Variants in SLC20A2 observed in about 807,000 individuals in gnomAD.
SLC20A2 encodes the protein solute carrier family 20 member 2.
In SLC20A2, 30 loss-of-function variants were observed where a neutral mutation model predicts 61.0. The ratio of observed to expected loss-of-function variants is 0.49; its 90% CI spans 0.37 to 0.67. The LOEUF (loss-of-function observed/expected upper bound fraction) is 0.67, where lower values mean the gene tolerates loss of function less well. Among genes scored for constraint, SLC20A2 ranks in the 30% least tolerant of loss-of-function variants. The pLI, the probability that SLC20A2 is intolerant of heterozygous loss-of-function variation, is 0.00. For missense variants in SLC20A2, 626 were observed against 866.4 expected (o/e 0.72, Z 3.48); for synonymous variants, 351 against 353.3 (o/e 0.99, Z 0.07).
intron 6 of SLC20A2, among the ~76,000 whole-genome samples, chr8:42,441,496 G>A (rs979388146): frequency 1.3e-5 from 2 of 151,162 alleles, no homozygotes; most frequent in African/African-American, 4.9e-5. Context: ...TTGAGACAGA[G>A]TCTTACTCTG....
chr8:42,482,730 A>G (rs900055271), intron 1 of SLC20A2, among the ~76,000 whole-genome samples: 3 of 136,048 alleles, frequency 2.2e-5, no homozygotes, highest in African/African-American at 7.4e-5. Context: ...TTTAAAAAAA[A>G]CAAAACTGTA....
chr8:42,493,489 T>C (rs972055412), intron 1 of SLC20A2, among the ~76,000 whole-genome samples: 2 of 152,244 alleles, frequency 1.3e-5, no homozygotes, highest in Non-Finnish European at 2.9e-5. Context: ...ATGGTTCCAC[T>C]GTTCACTGCT....
intron 1 of SLC20A2, among the ~76,000 whole-genome samples, chr8:42,500,798 C>A (rs1563528522): frequency 6.6e-6 from 1 of 152,070 alleles, no homozygotes; most frequent in Non-Finnish European, 1.5e-5. Flanking sequence ...ATTGCTTTTG[C>A]AAAAATAAGT....
At chr8:42,447,975 C>T (rs959545665) in intron 5 of SLC20A2, among the ~76,000 whole-genome samples, 10 of 152,236 alleles carry the variant, frequency 6.6e-5, no homozygotes, top group Non-Finnish European at 1.3e-4. Flanking sequence ...GCTTGTGCGA[C>T]CCCTTGGTTG....
chr8:42,525,523 G>A (rs572984173), intron 1 of SLC20A2, among the ~76,000 whole-genome samples: 6 of 142,596 alleles, frequency 4.2e-5, no homozygotes, highest in African/African-American at 8.0e-5. Context: ...TGGAGGTTGC[G>A]ATGAGCTGAG....
chr8:42,448,362 C>T (rs754053213), intron 5 of SLC20A2, among the ~76,000 whole-genome samples: 2 of 152,088 alleles, frequency 1.3e-5, no homozygotes, highest in Non-Finnish European at 2.9e-5. Flanking sequence ...GCTATCAGGC[C>T]CTATTTTTAC....
chr8:42,485,090 C>G lies in SLC20A2; in HGVS notation c.-264-12436G>C, dbSNP rs1808867033. The stretch of plus-strand genomic sequence containing the variant: ...CCCACCTTTCCTCCTTCGCAGAGGT[C>G]AGGACAATCACAGCCCTTCCCTTCT... On this transcript the variant is annotated intron_variant, in intron 1 of 10. Coordinates refer to ENST00000520262, the MANE Select transcript of SLC20A2 (RefSeq NM_001257180.2). 5 of 190,704 alleles carry G rather than the reference C, an allele frequency of 2.6e-5. No homozygotes were observed. In the South Asian group the frequency reaches 4.5e-4, roughly 17 times the overall value. The allele number at this position is 190,704 out of a possible 1,614,324, so 11.8% of individuals were successfully genotyped here. A position where few individuals can be genotyped will look rare whatever the true frequency, so the allele number is the denominator to read the frequency against.
In SLC20A2 at chr8:42,437,611, TC is replaced by T; in HGVS notation, c.935-35del. ...GGTTAGAGAAGGTCTCATTTTCCAG[TC>T]TTTTTTTTTTTTTTCTTTTCTTTTT... On this transcript the variant is annotated intron_variant, in intron 7 of 10. Coordinates refer to ENST00000520262, the MANE Select transcript of SLC20A2 (RefSeq NM_001257180.2). This position sits in a 1 kb window ranked among gnomAD's most constrained non-coding sequence, Gnocchi z 6.4. 11 of 1,464,368 alleles carry T rather than the reference TC, an allele frequency of 7.5e-6. No homozygotes were observed. Among genetic ancestry groups the T allele is most frequent in the Admixed American group, 2.4e-5 (1 of 41,892 alleles). 90.7% of individuals were successfully genotyped at this position (1,464,368 alleles called of 1,614,324 possible). A position where few individuals can be genotyped will look rare whatever the true frequency, so the allele number is the denominator to read the frequency against.
rs981758589 is a variant in SLC20A2, at chr8:42,471,951, C to T, written c.289+151G>A. The T allele has an allele frequency of 1.1e-5, 7 of 665,284 alleles. No individual in the cohort carries two copies. In the African/African-American group the frequency reaches 1.1e-4, roughly 10 times the overall value. 41.2% of individuals were successfully genotyped at this position (665,284 alleles called of 1,614,324 possible). Reference sequence around the variant, plus strand: ...ACTTTAAAAATCATAAATTAATATGCAGAAAGCAAAAATAAGAGAGTAAAT... The same window carrying T: ...ACTTTAAAAATCATAAATTAATATGTAGAAAGCAAAAATAAGAGAGTAAAT... On this transcript the variant is annotated intron_variant, in intron 2 of 10. Coordinates refer to ENST00000520262, the MANE Select transcript of SLC20A2 (RefSeq NM_001257180.2).
chr8:42,529,452 T>C (rs1399929417), intron 1 of SLC20A2, among the ~76,000 whole-genome samples: 1 of 152,086 alleles, frequency 6.6e-6, no homozygotes, highest in African/African-American at 2.4e-5. Flanking sequence ...TATTAGAAAA[T>C]TACATAATAG....
intron 10 of SLC20A2, 136 bp downstream of exon 10, chr8:42,428,622 C>T: frequency 1.5e-6 from 1 of 652,816 alleles, no homozygotes; most frequent in South Asian, 1.9e-5. Context: ...ATACAAGGTC[C>T]CGGAGACCTG....
intron 1 of SLC20A2, among the ~76,000 whole-genome samples, chr8:42,515,710 A>T (rs1160395834): frequency 6.6e-6 from 1 of 152,086 alleles, no homozygotes; most frequent in African/African-American, 2.4e-5. Flanking sequence ...TGTAACCCCC[A>T]CCCCAACAGT....
intron 8 of SLC20A2, among the ~76,000 whole-genome samples, chr8:42,435,317 G>A (rs1804165105): frequency 1.3e-5 from 2 of 152,160 alleles, no homozygotes; most frequent in African/African-American, 2.4e-5. Context: ...CACTGACTGC[G>A]ACAGAAGACG....
intron 5 of SLC20A2, among the ~76,000 whole-genome samples, chr8:42,447,054 C>T (rs1453662361): frequency 6.6e-6 from 1 of 152,052 alleles, no homozygotes; most frequent in Non-Finnish European, 1.5e-5. Context: ...AGCTGAGGTA[C>T]TATTAGGCTT....
At chr8:42,467,962 G>A (rs1174586845) in intron 2 of SLC20A2, among the ~76,000 whole-genome samples, 1 of 151,622 alleles carries the variant, frequency 6.6e-6, no homozygotes, top group African/African-American at 2.4e-5. Flanking sequence ...TGTTGCCCAG[G>A]CGCAATCTCG....
intron 5 of SLC20A2, among the ~76,000 whole-genome samples, chr8:42,455,760 T>C (rs182018607): frequency 2.6e-5 from 4 of 152,186 alleles, no homozygotes; most frequent in Non-Finnish European, 5.9e-5. Context: ...ATCTGTATAA[T>C]GTCACAACTA....
intron 1 of SLC20A2, among the ~76,000 whole-genome samples, chr8:42,495,794 G>A (rs1809880706): frequency 6.6e-6 from 1 of 150,660 alleles, no homozygotes; most frequent in South Asian, 2.1e-4. Context: ...CTGTTGCCTA[G>A]GCTGGAGTGC....
intron 1 of SLC20A2, among the ~76,000 whole-genome samples, chr8:42,523,221 T>C (rs978713166): frequency 2.0e-5 from 3 of 152,096 alleles, no homozygotes; most frequent in Non-Finnish European, 4.4e-5. Flanking sequence ...TCCCAGCTAC[T>C]ACGGAGGTTG....
intron 1 of SLC20A2, chr8:42,538,034 G>C (rs1234958129): frequency 6.6e-6 from 1 of 152,068 alleles, no homozygotes; most frequent in Non-Finnish European, 1.5e-5. Context: ...GGATTGTTGT[G>C]AGGTTCACAT....
Sources: gnomAD v4.1 joint callset for allele counts (sites outside exome capture counted in the v4.1 genomes callset) on GRCh38, gnomAD v4.1.1 for gene constraint, Gnocchi (gnomAD v3.1) non-coding constraint, MANE v1.5 for transcripts, NCBI Gene and HGNC (gene_info 2026-07-23, HGNC 2026-07-21) for gene names.